Variants in TIGAR observed in about 807,000 individuals in gnomAD.
TIGAR encodes fructose-2,6-bisphosphatase TIGAR.
A neutral mutation model predicts 17.9 loss-of-function variants in TIGAR; 7 were observed. The observed-to-expected ratio is 0.39, with a 90% confidence interval of 0.22 to 0.73. The LOEUF (loss-of-function observed/expected upper bound fraction) is 0.73. TIGAR is among the 30% of genes least tolerant of loss of function. The probability of loss-of-function intolerance (pLI) is 0.42; values close to 1 mark genes in which losing one functional copy is unlikely to be tolerated. For missense variants in TIGAR, 258 were observed against 327.4 expected (o/e 0.79, Z 1.64); for synonymous variants, 94 against 108.6 (o/e 0.87, Z 0.84).
chr12:4,324,551 G>A lies in TIGAR; in HGVS notation c.32+3248G>A, dbSNP rs117115830. The A allele has an allele frequency of 5.4e-3, 8,734 of 1,607,780 alleles. 180 individuals carry two copies. The highest frequency in any genetic ancestry group is 0.041 in the Admixed American group (2,390 of 58,956). ...CCCACCATGCTGCCCACCATCTTGG[G>A]CAGGATGATCATGTCCCGCAGGTGC... On this transcript the variant is annotated intron_variant, in intron 1 of 5. Transcript: ENST00000179259.
Position 4,356,730 on chromosome 12 carries a change from C to G in TIGAR, c.*4039C>G, listed in dbSNP as rs191235772. 2.0e-3 allele frequency among the ~76,000 whole-genome samples: 305 copies of G among 152,266 alleles called. 3 individuals are homozygous for G. The highest frequency in any genetic ancestry group is 6.7e-3 in the African/African-American group (278 of 41,554). ...CACTGCCCTAAAAGTCCTCTGTGTT[C>G]CCTGTACTCATCTTTCCCACCTTGT... On this transcript the variant is annotated 3_prime_UTR_variant, in exon 6 of 6. Coordinates refer to ENST00000179259, the MANE Select transcript of TIGAR (RefSeq NM_020375.3).
chr12:4,327,903 T>A (rs1178672166), intron 1 of TIGAR, among the ~76,000 whole-genome samples: 1 of 152,038 alleles, frequency 6.6e-6, no homozygotes, highest in Non-Finnish European at 1.5e-5. Context: ...CCTGACCTCA[T>A]GATCCGCCTG....
intron 2 of TIGAR, among the ~76,000 whole-genome samples, chr12:4,332,588 G>A (rs763085791): frequency 4.6e-5 from 7 of 152,162 alleles, no homozygotes; most frequent in Non-Finnish European, 5.9e-5. Context: ...TTGCATGCCC[G>A]TAGTTTTGAC....
chr12:4,332,160 T>C lies in TIGAR; in HGVS notation c.70+843T>C, dbSNP rs1864609641. Among the ~76,000 whole-genome samples the C allele has an allele frequency of 1.3e-5, 2 of 152,098 alleles. 1 individual carries two copies. Among genetic ancestry groups the C allele is most frequent in the Non-Finnish European group, 2.9e-5 (2 of 68,012 alleles). ...CGTCAAGAAAGTTTTTGTGTTCTTTTCCTGACCTTGTCAGTTGGATGCTTT... is the reference window on the plus strand; with the variant it reads ...CGTCAAGAAAGTTTTTGTGTTCTTTCCCTGACCTTGTCAGTTGGATGCTTT... On this transcript the variant is annotated intron_variant, in intron 2 of 5. Coordinates refer to ENST00000179259, the MANE Select transcript of TIGAR (RefSeq NM_020375.3).
chr12:4,350,720 T>C (rs1396469015), intron 4 of TIGAR, among the ~76,000 whole-genome samples: 1 of 148,874 alleles, frequency 6.7e-6, no homozygotes, highest in Non-Finnish European at 1.5e-5. Context: ...GAGGTTGCAG[T>C]GAGCTGAGAT....
Position 4,356,480 on chromosome 12 carries a change from T to A in TIGAR, c.*3789T>A, listed in dbSNP as rs866763261. The stretch of plus-strand genomic sequence containing the variant: ...GAGAGGAAGGTAGAGAGATTTCCCA[T>A]CTATCCCCTGCCCCTACACACGCAT... On this transcript the variant is annotated 3_prime_UTR_variant, in exon 6 of 6. Transcript: ENST00000179259. Among the ~76,000 whole-genome samples, 10 of 152,140 alleles carry A rather than the reference T, an allele frequency of 6.6e-5. No homozygotes were observed. Among genetic ancestry groups the A allele is most frequent in the African/African-American group, 2.4e-4 (10 of 41,412 alleles).
At chr12:4,352,112 C>CGAATA (rs1864843104) in intron 5 of TIGAR, 148 bp from the exon 6 acceptor site, 1 of 662,796 alleles carries the variant, frequency 1.5e-6, no homozygotes, top group Middle Eastern at 4.1e-4. Flanking sequence ...ACTGATTGAA[C>CGAATA]GAATAGAAAT....
At chr12:4,325,629 C>A (rs1425940281) in intron 1 of TIGAR, among the ~76,000 whole-genome samples, 1 of 151,462 alleles carries the variant, frequency 6.6e-6, no homozygotes, top group African/African-American at 2.4e-5. Flanking sequence ...GTAATCCCAG[C>A]TACTCGGGAG....
chr12:4,358,463 A>ACCACTTGCTTACCTGTTGTC lies in TIGAR; in HGVS notation c.*5783_*5802dup, dbSNP rs570515978. Among the ~76,000 whole-genome samples, 43 of 152,250 alleles carry ACCACTTGCTTACCTGTTGTC rather than the reference A, an allele frequency of 2.8e-4. 1 individual carries two copies. The South Asian group carries it at 8.7e-3, about 31-fold the overall frequency. ...GGCTGTATACTCTTCACACTTATTC[A>ACCACTTGCTTACCTGTTGTC]CCACTTGCTTACCTGTTGTCCCACT... On this transcript the variant is annotated 3_prime_UTR_variant, in exon 6 of 6. Transcript: ENST00000179259.
At chr12:4,324,849 G>T in intron 1 of TIGAR, 1 of 508,288 alleles carries the variant, frequency 2.0e-6, no homozygotes, top group South Asian at 3.1e-5. Context: ...TCCATTTTTA[G>T]GCAGCTCGTA....
At chr12:4,325,272 ATT>A (rs200528257) in intron 1 of TIGAR, among the ~76,000 whole-genome samples, 14 of 151,472 alleles carry the variant, frequency 9.2e-5, no homozygotes, top group African/African-American at 3.4e-4. Flanking sequence ...AGCAAAACTG[ATT>A]TTTCTTACTG....
chr12:4,336,494 A>ACACACACT (rs1491391982), intron 2 of TIGAR, among the ~76,000 whole-genome samples: 5 of 137,628 alleles, frequency 3.6e-5, no homozygotes, highest in Admixed American at 7.4e-5. Flanking sequence ...ACACACACAC[A>ACACACACT]CTCACACACA....
intron 3 of TIGAR, among the ~76,000 whole-genome samples, chr12:4,337,621 T>A (rs973342125): frequency 9.9e-5 from 15 of 152,092 alleles, no homozygotes; most frequent in Non-Finnish European, 1.6e-4. Flanking sequence ...TTGTACTTTT[T>A]AAAAAAAATA....
At chr12:4,334,106 C>T (rs571678513) in intron 2 of TIGAR, among the ~76,000 whole-genome samples, 1 of 151,768 alleles carries the variant, frequency 6.6e-6, no homozygotes, top group African/African-American at 2.4e-5. Context: ...AATGATGTAC[C>T]ATTTCCATTC....
intron 1 of TIGAR, chr12:4,324,299 C>T (rs985309389): frequency 4.4e-6 from 3 of 683,982 alleles, no homozygotes; most frequent in Admixed American, 2.4e-5. Context: ...AGTGAGTCCC[C>T]GGCAAAACCA....
intron 4 of TIGAR, among the ~76,000 whole-genome samples, chr12:4,350,291 A>G (rs894749453): frequency 6.6e-6 from 1 of 152,234 alleles, no homozygotes; most frequent in Non-Finnish European, 1.5e-5. Context: ...TTGTAGACCT[A>G]TATATTTCTA....
intron 3 of TIGAR, among the ~76,000 whole-genome samples, chr12:4,341,883 G>T (rs10849043): frequency 6.6e-6 from 1 of 152,140 alleles, no homozygotes; most frequent in Non-Finnish European, 1.5e-5. Flanking sequence ...AAAGCTGGAC[G>T]GAGAATGACT....
intron 1 of TIGAR, among the ~76,000 whole-genome samples, chr12:4,329,263 T>C (rs1251706790): frequency 6.6e-6 from 1 of 151,790 alleles, no homozygotes; most frequent in Non-Finnish European, 1.5e-5. Context: ...AGTTAAGGAA[T>C]GAGTTATGGA....
At chr12:4,344,648 A>C (rs898050688) in intron 3 of TIGAR, among the ~76,000 whole-genome samples, 1 of 152,232 alleles carries the variant, frequency 6.6e-6, no homozygotes, top group Non-Finnish European at 1.5e-5. Flanking sequence ...CAATAGATGC[A>C]GAAAAGGCCT....
Sources: gnomAD v4.1 joint callset for allele counts (sites outside exome capture counted in the v4.1 genomes callset) on GRCh38, gnomAD v4.1.1 for gene constraint, MANE v1.5 for transcripts, NCBI Gene and HGNC (gene_info 2026-07-23, HGNC 2026-07-21) for gene names.